Variants in JAK1 observed in about 807,000 individuals in gnomAD.
JAK1 encodes the protein Janus kinase 1, also known as tyrosine-protein kinase JAK1.
JAK1 carries 16 observed loss-of-function variants against 136.6 expected under a neutral mutation model. The observed-to-expected ratio is 0.12, with a 90% confidence interval of 0.08 to 0.18. The LOEUF is 0.18. Among genes scored for constraint, JAK1 ranks in the 10% least tolerant of loss-of-function variants. JAK1 has a pLI of 1.00. For missense variants in JAK1, 859 were observed against 1,450.1 expected, an observed-to-expected ratio of 0.59 and a Z score of 6.62; for synonymous variants, 492 against 519.5, an observed-to-expected ratio of 0.95 and a Z score of 0.72.
At chr1:64,860,947 TGTG>T in intron 8 of JAK1, among the ~76,000 whole-genome samples, 1 of 135,930 alleles carries the variant, frequency 7.4e-6, no homozygotes. Flanking sequence ...TGTGTGTGTG[TGTG>T]TGTGTGTGTG....
chr1:64,888,472 A>G (rs1425433812), intron 1 of JAK1, among the ~76,000 whole-genome samples: 1 of 152,164 alleles, frequency 6.6e-6, no homozygotes, highest in African/African-American at 2.4e-5. Context: ...GAGCCACCAC[A>G]CCTGGCCAGA....
At position 64,933,921 on chromosome 1, in the gene JAK1, G is replaced by A. The variant is rs577035630; in HGVS notation, c.-78+32412C>T. The stretch of plus-strand genomic sequence containing the variant: ...TCGCTGTGGTCCTTAGAATTTTCAG[G>A]CACTACGGAATATACTACATAAATA... On this transcript the variant is annotated intron_variant, in intron 1 of 24. Transcript: ENST00000342505. 1.3e-4 allele frequency among the ~76,000 whole-genome samples: 20 copies of A among 152,210 alleles called. No individual in the cohort carries two copies. The South Asian group carries it at 4.1e-3, about 32-fold the overall frequency.
Position 64,860,107 on chromosome 1 carries a change from G to A in JAK1, c.1332C>T (p.Ile444=), listed in dbSNP as rs2101071814. Residue 444 remains isoleucine, a splice_region_variant and synonymous_variant, in exon 9 of 25, where the codon ATC becomes ATT. Transcript: ENST00000342505. The part of the protein sequence containing the change: ...HNIQNGCHGP[I]CTEYAINKLR... ...ACTGATAAGGTTCTAGGACCAACCA[G>A]ATTGGACCATGACAGCCATTCTGTA... is the stretch of plus-strand genomic sequence containing the variant. The A allele has an allele frequency of 6.4e-7, 1 of 1,574,692 alleles. No individual in the cohort carries two copies. The highest frequency in any genetic ancestry group is 1.7e-5 in the Admixed American group (1 of 57,720).
At chr1:64,878,660 C>T (rs1477462471) in intron 4 of JAK1, among the ~76,000 whole-genome samples, 3 of 142,640 alleles carry the variant, frequency 2.1e-5, no homozygotes, top group African/African-American at 7.8e-5. Context: ...ATAGTATCGT[C>T]TCCTGTTTCT....
intron 1 of JAK1, among the ~76,000 whole-genome samples, chr1:64,887,146 G>A (rs1013115485): frequency 6.6e-6 from 1 of 152,208 alleles, no homozygotes; most frequent in African/African-American, 2.4e-5. Context: ...GTGTGAGTGC[G>A]TCAGGATGTT....
intron 1 of JAK1, among the ~76,000 whole-genome samples, chr1:64,940,301 C>T (rs1026354143): frequency 6.7e-6 from 1 of 149,684 alleles, no homozygotes; most frequent in Non-Finnish European, 1.5e-5. Flanking sequence ...GAAGACCTAG[C>T]TTATACCAAT....
chr1:64,837,622 T>TA (rs1471159203), intron 22 of JAK1, among the ~76,000 whole-genome samples: 1 of 152,248 alleles, frequency 6.6e-6, no homozygotes, highest in African/African-American at 2.4e-5. Flanking sequence ...CTCACAGTTT[T>TA]AAGAACTGCA....
chr1:64,867,570 A>C (rs1274301903), intron 6 of JAK1, among the ~76,000 whole-genome samples: 1 of 152,258 alleles, frequency 6.6e-6, no homozygotes, highest in African/African-American at 2.4e-5. Flanking sequence ...ATTGAGCATC[A>C]GTTAGAAAAT....
intron 1 of JAK1, among the ~76,000 whole-genome samples, chr1:64,900,526 G>A (rs12142434): frequency 2.2e-3 from 341 of 152,284 alleles, no homozygotes; most frequent in Non-Finnish European, 3.5e-3. Context: ...AGTGGACAGA[G>A]ATCTTGGAGT....
chr1:65,005,292 C>T (rs901185311), intron 2 of JAK1, among the ~76,000 whole-genome samples: 4 of 151,050 alleles, frequency 2.6e-5, no homozygotes, highest in African/African-American at 9.8e-5. Context: ...TGCAGTAAGC[C>T]GAGATCACGC....
At chr1:65,036,468 T>C (rs1454336482) in intron 2 of JAK1, among the ~76,000 whole-genome samples, 2 of 152,022 alleles carry the variant, frequency 1.3e-5, no homozygotes, top group Admixed American at 6.6e-5. Flanking sequence ...GGGAACAAGG[T>C]ATGGGCAGCA....
intron 1 of JAK1, among the ~76,000 whole-genome samples, chr1:64,965,788 CG>C (rs988376000): frequency 3.0e-4 from 45 of 151,834 alleles, no homozygotes; most frequent in African/African-American, 1.1e-3. Flanking sequence ...CCCGAGTTCG[CG>C]GACGCCCAAC....
intron 2 of JAK1, among the ~76,000 whole-genome samples, chr1:65,030,590 T>C (rs1276223927): frequency 6.6e-6 from 1 of 151,876 alleles, no homozygotes; most frequent in Non-Finnish European, 1.5e-5. Flanking sequence ...TGGAGTGCAG[T>C]GGTGCGATCT....
chr1:64,907,371 G>A (rs1409118469), intron 1 of JAK1, among the ~76,000 whole-genome samples: 1 of 152,148 alleles, frequency 6.6e-6, no homozygotes, highest in African/African-American at 2.4e-5. Context: ...AAACTTCTGG[G>A]CTTTTCTCAG....
chr1:64,958,009 G>C (rs545261234), intron 1 of JAK1, among the ~76,000 whole-genome samples: 1 of 152,048 alleles, frequency 6.6e-6, no homozygotes, highest in East Asian at 1.9e-4. Context: ...CATCTCTCCC[G>C]GTACTCAGCA....
chr1:65,063,682 G>A (rs991400227), intron 1 of JAK1, among the ~76,000 whole-genome samples: 1 of 151,920 alleles, frequency 6.6e-6, no homozygotes, highest in Non-Finnish European at 1.5e-5. Context: ...GCACACACCT[G>A]TAGTCCCAGC....
At chr1:65,036,353 T>C (rs1420698667) in intron 2 of JAK1, among the ~76,000 whole-genome samples, 2 of 151,974 alleles carry the variant, frequency 1.3e-5, no homozygotes, top group Non-Finnish European at 2.9e-5. Flanking sequence ...GAGAGTCACT[T>C]GAGCCCAGGA....
At chr1:65,058,096 GT>G (rs1647630361) in intron 1 of JAK1, among the ~76,000 whole-genome samples, 2 of 151,980 alleles carry the variant, frequency 1.3e-5, no homozygotes, top group African/African-American at 4.8e-5. Context: ...GTGCCAAGCT[GT>G]TCTAATTAGG....
chr1:64,986,783 G>A (rs1192094202), intron 2 of JAK1, among the ~76,000 whole-genome samples: 1 of 151,984 alleles, frequency 6.6e-6, no homozygotes, highest in Non-Finnish European at 1.5e-5. Flanking sequence ...GGCTGAGGTG[G>A]GAGGCTTGAG....
Sources: gnomAD v4.1 joint callset for allele counts (sites outside exome capture counted in the v4.1 genomes callset) on GRCh38, gnomAD v4.1.1 for gene constraint, MANE v1.5 for transcripts, NCBI Gene and HGNC (gene_info 2026-07-23, HGNC 2026-07-21) for gene names.